The following BLTP1 variants were observed in gnomAD, a reference collection of about 807,000 sequenced individuals.
The protein encoded by BLTP1 is fragile site-associated protein.
At chr4:122,155,711 T>C in the BLTP1 span, among the ~76,000 whole-genome samples, 3 of 152,160 alleles carry the variant, frequency 2.0e-5, no homozygotes, top group African/African-American at 7.2e-5. Flanking sequence ...ATTTTTTAAT[T>C]TGAGAAAATT....
chr4:122,169,781 C>T, the BLTP1 span: 8 of 984,676 alleles, frequency 8.1e-6, no homozygotes, highest in Non-Finnish European at 9.6e-6. Context: ...TTTTCTTTAT[C>T]CTAAGTATCT....
chr4:122,354,349 T>C, the BLTP1 span, among the ~76,000 whole-genome samples: 1 of 152,124 alleles, frequency 6.6e-6, no homozygotes, highest in Admixed American at 6.6e-5. Flanking sequence ...AAATGGAAGT[T>C]TGGGGAGGTT....
At chr4:122,219,269 T>G in the BLTP1 span, 1 of 1,557,146 alleles carries the variant, frequency 6.4e-7, no homozygotes, top group Non-Finnish European at 8.7e-7. Flanking sequence ...ATTTACAAAT[T>G]TAGGCTCATA....
At chr4:122,333,778 C>T in the BLTP1 span, 2 of 1,610,320 alleles carry the variant, frequency 1.2e-6, no homozygotes, top group African/African-American at 1.3e-5. Flanking sequence ...TTAGAAACAA[C>T]AGTATTTTAC....
At chr4:122,189,054 G>C in the BLTP1 span, 1 of 984,614 alleles carries the variant, frequency 1.0e-6, no homozygotes, top group Non-Finnish European at 1.2e-6. Context: ...AAATGTGTAT[G>C]AGTGAAGGTA....
At chr4:122,164,155 A>G in the BLTP1 span, among the ~76,000 whole-genome samples, 8 of 152,304 alleles carry the variant, frequency 5.3e-5, no homozygotes, top group Admixed American at 2.6e-4. Flanking sequence ...AGAACCATAG[A>G]AAGAAAGATG....
At chr4:122,309,689 T>C in the BLTP1 span, among the ~76,000 whole-genome samples, 2 of 152,086 alleles carry the variant, frequency 1.3e-5, no homozygotes, top group Non-Finnish European at 2.9e-5. Context: ...CTATAACATT[T>C]GAATGTTTAC....
chr4:122,251,107 G>A, the BLTP1 span: 2 of 985,082 alleles, frequency 2.0e-6, no homozygotes, highest in African/African-American at 3.5e-5. Flanking sequence ...GAAATGTCGT[G>A]CCACTAACTG....
the BLTP1 span, chr4:122,273,309 T>G: frequency 1.4e-5 from 14 of 984,254 alleles, no homozygotes; most frequent in African/African-American, 2.4e-4. Context: ...AAAAACTAAT[T>G]TTAAATTTGA....
At chr4:122,232,016 C>T in the BLTP1 span, 14 of 965,058 alleles carry the variant, frequency 1.5e-5, no homozygotes, top group African/African-American at 1.2e-4. Flanking sequence ...TTAGTGTGAA[C>T]CAAATGCCTG....
chr4:122,279,683 A>ATAAGTATT, the BLTP1 span: 39 of 1,393,046 alleles, frequency 2.8e-5, no homozygotes, highest in Non-Finnish European at 3.7e-5. Context: ...TCTCAAATTT[A>ATAAGTATT]TAAGTATTTT....
the BLTP1 span, chr4:122,328,010 C>G: frequency 1.0e-6 from 1 of 974,862 alleles, no homozygotes; most frequent in African/African-American, 1.7e-5. Context: ...AGAAATTCAA[C>G]TCTGAGATAA....
At chr4:122,353,687 CATTT>C in the BLTP1 span, 2 of 1,140,390 alleles carry the variant, frequency 1.8e-6, no homozygotes, top group Non-Finnish European at 2.4e-6. This position sits in a 1 kb window ranked among gnomAD's most constrained non-coding sequence, Gnocchi z 4.3. Flanking sequence ...TTTTTATCCT[CATTT>C]ATTCTTCATT....
chr4:122,287,688 G>T, the BLTP1 span: 1 of 985,188 alleles, frequency 1.0e-6, no homozygotes, highest in Non-Finnish European at 1.2e-6. Flanking sequence ...ATAACTGCGG[G>T]GGACATATTT....
At chr4:122,342,522 G>A in the BLTP1 span, among the ~76,000 whole-genome samples, 1 of 151,990 alleles carries the variant, frequency 6.6e-6, no homozygotes, top group African/African-American at 2.4e-5. Context: ...CGCCCGGCTA[G>A]TTTTTGTACT....
At chr4:122,330,508 G>C in the BLTP1 span, among the ~76,000 whole-genome samples, 1 of 151,806 alleles carries the variant, frequency 6.6e-6, no homozygotes, top group Admixed American at 6.6e-5. Context: ...CAATATACTT[G>C]TTGGCTGATT....
At chr4:122,168,978 C>A in the BLTP1 span, among the ~76,000 whole-genome samples, 3 of 152,010 alleles carry the variant, frequency 2.0e-5, no homozygotes, top group Non-Finnish European at 2.9e-5. Context: ...GAAGGGGTCT[C>A]CCTCTCTCAA....
the BLTP1 span, chr4:122,186,017 T>C: frequency 8.0e-6 from 12 of 1,509,024 alleles, no homozygotes; most frequent in Non-Finnish European, 8.9e-6. Flanking sequence ...AAAAATTTTT[T>C]TGTAATTGGT....
the BLTP1 span, among the ~76,000 whole-genome samples, chr4:122,160,695 ATGT>A: frequency 3.3e-5 from 5 of 152,196 alleles, no homozygotes; most frequent in Admixed American, 1.3e-4. Flanking sequence ...TTGAATAAAA[ATGT>A]TGTATGATCT....
Sources: allele counts gnomAD v4.1 joint callset (sites outside exome capture counted in the v4.1 genomes callset), GRCh38; gene constraint gnomAD v4.1.1; non-coding constraint Gnocchi (gnomAD v3.1); transcripts MANE v1.5; gene names NCBI Gene and HGNC (gene_info 2026-07-23, HGNC 2026-07-21).